The following COL4A2 variants were observed in gnomAD, a reference collection of about 807,000 sequenced individuals.
COL4A2 encodes collagen alpha-2(IV) chain.
Under a neutral mutation model 200.2 loss-of-function variants are expected in COL4A2, and 99 were observed. The ratio of observed to expected loss-of-function variants is 0.49; its 90% CI spans 0.42 to 0.58. COL4A2 has a LOEUF of 0.58. COL4A2 is among the 20% of genes least tolerant of loss of function. The probability of loss-of-function intolerance (pLI) is 0.00; values close to 1 mark genes in which losing one functional copy is unlikely to be tolerated. For synonymous variants in COL4A2, 897 were observed against 900.6 expected, an observed-to-expected ratio of 1.00 and a Z score of 0.07; for missense variants, 1,950 against 2,314.1, an observed-to-expected ratio of 0.84 and a Z score of 3.23.
chr13:110,318,008 T>C (rs780623688), intron 3 of COL4A2, among the ~76,000 whole-genome samples: 17 of 152,180 alleles, frequency 1.1e-4, no homozygotes, highest in Non-Finnish European at 2.5e-4. Flanking sequence ...CTGTTTTTCA[T>C]GGAAGTCCCC....
At chr13:110,391,112 T>C (rs1878968909) in intron 4 of COL4A2, among the ~76,000 whole-genome samples, 1 of 152,262 alleles carries the variant, frequency 6.6e-6, no homozygotes, top group African/African-American at 2.4e-5. Flanking sequence ...CTTTGGATTC[T>C]GTGTTTTGTT....
intron 4 of COL4A2, among the ~76,000 whole-genome samples, chr13:110,408,798 C>T (rs533105383): frequency 2.2e-3 from 88 of 40,616 alleles, no homozygotes; most frequent in African/African-American, 9.4e-3. Flanking sequence ...TACACACACA[C>T]GCACACATAT....
In COL4A2 at chr13:110,416,784, G is replaced by A. The variant is rs1337760466; in HGVS notation, c.181-7950G>A. Among the ~76,000 whole-genome samples the A allele has an allele frequency of 2.0e-5, 3 of 152,228 alleles. No homozygotes were observed. In the East Asian group the frequency reaches 5.8e-4, roughly 29 times the overall value. ...AAATTTGTCTATAGAGATAAAGCAT[G>A]ACAGAAACCAGTGGCTTCCCAGACT... On this transcript the variant is annotated intron_variant, in intron 4 of 47. Transcript: ENST00000360467.
intron 18 of COL4A2, among the ~76,000 whole-genome samples, chr13:110,449,078 A>ACTTC (rs1451230368): frequency 6.6e-6 from 1 of 152,252 alleles, no homozygotes; most frequent in African/African-American, 2.4e-5. Context: ...ATTTTAAGGA[A>ACTTC]CTTCGTAAGA....
intron 36 of COL4A2, among the ~76,000 whole-genome samples, chr13:110,490,638 C>T (rs1223533975): frequency 1.3e-5 from 2 of 152,170 alleles, no homozygotes; most frequent in African/African-American, 2.4e-5. Context: ...TCCTGAGTGA[C>T]GGGAGCTCTG....
intron 47 of COL4A2, among the ~76,000 whole-genome samples, chr13:110,510,539 C>T (rs543056485): frequency 1.3e-5 from 2 of 152,272 alleles, no homozygotes; most frequent in South Asian, 4.1e-4. Context: ...GAGAGAAGCA[C>T]ATTGGAAAGG....
At chr13:110,389,115 T>C (rs1162358016) in intron 4 of COL4A2, among the ~76,000 whole-genome samples, 2 of 152,174 alleles carry the variant, frequency 1.3e-5, no homozygotes, top group Non-Finnish European at 2.9e-5. Flanking sequence ...TCCCAACCCA[T>C]GCAGGACGTC....
At chr13:110,442,947 A>G (rs1881186219) in intron 16 of COL4A2, among the ~76,000 whole-genome samples, 2 of 148,544 alleles carry the variant, frequency 1.3e-5, no homozygotes, top group Non-Finnish European at 3.0e-5. Context: ...TGTTGTGGGA[A>G]GTCCCCCCTC....
intron 34 of COL4A2, 49 bp from the exon 35 acceptor site, chr13:110,489,395 AC>A: frequency 6.4e-7 from 1 of 1,562,718 alleles, no homozygotes; most frequent in Non-Finnish European, 8.8e-7. Context: ...CTTCAGAGTT[AC>A]AACTGACTTC....
chr13:110,376,019 T>TTATG (rs1459171522), intron 4 of COL4A2, among the ~76,000 whole-genome samples: 4 of 152,190 alleles, frequency 2.6e-5, no homozygotes, highest in African/African-American at 9.6e-5. Context: ...TTATACATCA[T>TTATG]TATGCAGAGT....
intron 3 of COL4A2, among the ~76,000 whole-genome samples, chr13:110,328,176 T>TA (rs1875718008): frequency 6.6e-6 from 1 of 152,336 alleles, no homozygotes; most frequent in South Asian, 2.1e-4. Flanking sequence ...CTGGGACACT[T>TA]ACTTGTGGGC....
rs1020789959 is a variant in COL4A2, at chr13:110,436,155, G to T, written c.727-114G>T. 4 of 1,459,850 alleles carry T rather than the reference G, an allele frequency of 2.7e-6. No homozygotes were observed. The South Asian group carries it at 3.4e-5, about 13-fold the overall frequency. 90.4% of individuals were successfully genotyped at this position (1,459,850 alleles called of 1,614,324 possible). A position where few individuals can be genotyped will look rare whatever the true frequency, so the allele number is the denominator to read the frequency against. ...TATACTGTAAATAGGTATACATATG[G>T]TAAGTAATATGCAAACATTAAAACT... On this transcript the variant is annotated intron_variant, in intron 12 of 47. Coordinates refer to ENST00000360467, the MANE Select transcript of COL4A2 (RefSeq NM_001846.4).
chr13:110,428,581 C>T lies in COL4A2; in HGVS notation c.475C>T (p.Pro159Ser), dbSNP rs766515564. Residue 159 changes from proline to serine, a missense_variant and splice_region_variant, in exon 7 of 48, where the codon CCC becomes TCC. Transcript: ENST00000360467. ...PPGSEGFTGP[P>S]GPQGPKGQKG... ...CGGCTCTGAGGGGTTCACCGGGCCTCCCGTGAGTATCCCCACAGCGCCTGT... is the reference window on the plus strand; with the variant it reads ...CGGCTCTGAGGGGTTCACCGGGCCTTCCGTGAGTATCCCCACAGCGCCTGT... 1 of 1,518,792 alleles carries T rather than the reference C, an allele frequency of 6.6e-7. No homozygotes were observed. Among genetic ancestry groups the T allele is most frequent in the Non-Finnish European group, 8.8e-7 (1 of 1,132,682 alleles). 94.1% of individuals were successfully genotyped at this position (1,518,792 alleles called of 1,614,324 possible). A position where few individuals can be genotyped will look rare whatever the true frequency, so the allele number is the denominator to read the frequency against.
At chr13:110,315,397 T>C (rs1594140687) in intron 3 of COL4A2, among the ~76,000 whole-genome samples, 1 of 152,158 alleles carries the variant, frequency 6.6e-6, no homozygotes, top group East Asian at 1.9e-4. Flanking sequence ...TGTTTGTTTG[T>C]TTTCGTTTTT....
intron 28 of COL4A2, among the ~76,000 whole-genome samples, chr13:110,470,393 T>C (rs1882422187): frequency 6.6e-6 from 1 of 152,100 alleles, no homozygotes; most frequent in South Asian, 2.1e-4. Context: ...GCTAGAAAGT[T>C]CCTCCCTGGA....
At chr13:110,346,924 A>G (rs1876729367) in intron 3 of COL4A2, among the ~76,000 whole-genome samples, 1 of 152,236 alleles carries the variant, frequency 6.6e-6, no homozygotes, top group South Asian at 2.1e-4. Flanking sequence ...CTGGCTCTGG[A>G]CAGAGCCTCA....
In COL4A2 at chr13:110,507,033, C is replaced by T. The variant is rs1169819800; in HGVS notation, c.4594+427C>T. On this transcript the variant is annotated intron_variant, in intron 46 of 47. Transcript: ENST00000360467. ...CCCGAGGAAAATGGACCCATGGACA[C>T]GTGTGCATGCTCTTATTTAAGGAAG... Among the ~76,000 whole-genome samples, 6 of 152,188 alleles carry T rather than the reference C, an allele frequency of 3.9e-5. 1 individual carries two copies. Among genetic ancestry groups the T allele is most frequent in the Middle Eastern group, 6.3e-3 (2 of 316 alleles).
chr13:110,448,661 A>G (rs1486328765), intron 18 of COL4A2, among the ~76,000 whole-genome samples: 1 of 152,250 alleles, frequency 6.6e-6, no homozygotes, highest in Non-Finnish European at 1.5e-5. Flanking sequence ...TAATCTTGCT[A>G]TTCTTCCAAA....
At chr13:110,401,404 A>G (rs971239294) in intron 4 of COL4A2, among the ~76,000 whole-genome samples, 1 of 152,226 alleles carries the variant, frequency 6.6e-6, no homozygotes, top group Non-Finnish European at 1.5e-5. Flanking sequence ...TTTTCCATAT[A>G]AACTTGAGAA....
Sources: gnomAD v4.1 joint callset for allele counts (sites outside exome capture counted in the v4.1 genomes callset) on GRCh38, gnomAD v4.1.1 for gene constraint, MANE v1.5 for transcripts, NCBI Gene and HGNC (gene_info 2026-07-23, HGNC 2026-07-21) for gene names.